SRP54: variants seen among roughly 807,000 people sequenced by gnomAD.
The protein encoded by SRP54 is signal recognition particle 54.
A neutral mutation model predicts 64.8 loss-of-function variants in SRP54; 10 were observed. The observed-to-expected ratio is 0.15, with a 90% CI of 0.10 to 0.26. The LOEUF is 0.26. Among genes scored for constraint, SRP54 ranks in the 10% least tolerant of loss-of-function variants. The pLI, the probability that SRP54 is intolerant of heterozygous loss-of-function variation, is 1.00. For synonymous variants in SRP54, 193 were observed against 185.6 expected (o/e 1.04, Z -0.32); for missense variants, 325 against 613.7 (o/e 0.53, Z 4.97).
chr14:35,013,036 C>T (rs1269441938), intron 8 of SRP54, among the ~76,000 whole-genome samples: 2 of 151,364 alleles, frequency 1.3e-5, no homozygotes, highest in East Asian at 3.9e-4. Context: ...CTCTGCCTCC[C>T]GGGTTCAAGT....
Position 35,028,068 on chromosome 14 carries a change from C to CTT in SRP54, c.1328-10_1328-9dup. 35 of 1,248,856 alleles carry CTT rather than the reference C, an allele frequency of 2.8e-5. No homozygotes were observed. Among genetic ancestry groups the CTT allele is most frequent in the Admixed American group, 6.4e-5 (3 of 47,066 alleles). The allele number at this position is 1,248,856 out of a possible 1,614,324, so 77.4% of individuals were successfully genotyped here. ...ATTACCTCCTACGCTGACTCAAAAT[C>CTT]TTTTTTTTTTTCCCCTCAGGTGGCG... On this transcript the variant is annotated intron_variant, in intron 14 of 15. Coordinates refer to ENST00000216774, the MANE Select transcript of SRP54 (RefSeq NM_003136.4).
chr14:35,027,147 C>T (rs1325774103), intron 14 of SRP54, among the ~76,000 whole-genome samples: 1 of 151,158 alleles, frequency 6.6e-6, no homozygotes, highest in East Asian at 2.0e-4. Context: ...CTGCCTCAGT[C>T]TCCTGAGTAG....
chr14:35,006,597 TTTAAA>T (rs2044261934), intron 4 of SRP54, among the ~76,000 whole-genome samples: 1 of 152,242 alleles, frequency 6.6e-6, no homozygotes, highest in African/African-American at 2.4e-5. Context: ...GTTTTTACTT[TTTAAA>T]TGTCAGTACT....
rs139254241 is a variant in SRP54, at chr14:35,028,905, A to G, written c.1424-156A>G. Among the ~76,000 whole-genome samples the G allele has an allele frequency of 3.9e-3, 587 of 152,364 alleles. 6 individuals carry two copies. Among genetic ancestry groups the G allele is most frequent in the African/African-American group, 0.014 (570 of 41,584 alleles). On this transcript the variant is annotated intron_variant, in intron 15 of 15. Transcript: ENST00000216774. ...ATTGATGAAGATAACTGGTGATAAT[A>G]CAAATTTTTAGGTGGTACGTTCTTT... is the stretch of plus-strand genomic sequence containing the variant.
chr14:35,002,373 A>G (rs540638416), intron 4 of SRP54, among the ~76,000 whole-genome samples: 2 of 152,122 alleles, frequency 1.3e-5, no homozygotes, highest in South Asian at 4.1e-4. Flanking sequence ...ACAAACAAAA[A>G]AAATTTTTTA....
chr14:34,985,204 C>T (rs1239946066), intron 1 of SRP54, among the ~76,000 whole-genome samples: 4 of 152,108 alleles, frequency 2.6e-5, no homozygotes, highest in African/African-American at 4.8e-5. Flanking sequence ...TTAGTGGCGC[C>T]GCCTGTAGTC....
chr14:35,008,550 A>C (rs1197784438), intron 5 of SRP54, 77 bp from the exon 6 acceptor site: 3 of 995,690 alleles, frequency 3.0e-6, no homozygotes, highest in Non-Finnish European at 4.2e-6. Flanking sequence ...GGTAAATAAT[A>C]AGGAAAAACA....
At chr14:34,987,546 T>C (rs2043919196) in intron 1 of SRP54, among the ~76,000 whole-genome samples, 1 of 152,054 alleles carries the variant, frequency 6.6e-6, no homozygotes, top group South Asian at 2.1e-4. Context: ...TATGTGATCT[T>C]TTGTGACTGG....
At position 35,018,445 on chromosome 14, in the gene SRP54, G is replaced by T. The variant is rs117335270; in HGVS notation, c.974-247G>T. ...TATGTGCCTTGTTTTCAGGTTTCTT[G>T]TGTGTTTGTATATGTGTCTTCTCAG... On this transcript the variant is annotated intron_variant, in intron 11 of 15. Coordinates refer to ENST00000216774, the MANE Select transcript of SRP54 (RefSeq NM_003136.4). 4.5e-4 allele frequency among the ~76,000 whole-genome samples: 69 copies of T among 152,218 alleles called. 1 individual carries two copies. The East Asian group carries it at 0.013, about 28-fold the overall frequency.
chr14:35,009,320 A>G (rs1047004849), intron 7 of SRP54, among the ~76,000 whole-genome samples: 5 of 123,284 alleles, frequency 4.1e-5, no homozygotes, highest in Non-Finnish European at 7.4e-5. Flanking sequence ...GGCTGGGATT[A>G]CAGGCTTGAG....
chr14:35,029,057 C>T lies in SRP54; in HGVS notation c.1424-4C>T, dbSNP rs2044681180. The T allele has an allele frequency of 6.2e-7, 1 of 1,612,074 alleles. No individual in the cohort carries two copies. The highest frequency in any genetic ancestry group is 8.5e-7 in the Non-Finnish European group (1 of 1,178,964). On this transcript the variant is annotated splice_polypyrimidine_tract_variant and splice_region_variant and intron_variant, in intron 15 of 15. Coordinates refer to ENST00000216774, the MANE Select transcript of SRP54 (RefSeq NM_003136.4). ...TTAACTCTACTTCCCTACTTTTGCT[C>T]TAGGTGGTATGGCAGGACTTCAGTC...
intron 6 of SRP54, 23 bp from the exon 7 acceptor site, chr14:35,008,751 T>C: frequency 5.6e-6 from 9 of 1,605,238 alleles, no homozygotes; most frequent in Non-Finnish European, 7.6e-6. Context: ...AGTTTGAGGA[T>C]TCATGAACTC....
At chr14:35,000,322 C>T (rs2044149377) in intron 3 of SRP54, among the ~76,000 whole-genome samples, 1 of 152,020 alleles carries the variant, frequency 6.6e-6, no homozygotes, top group African/African-American at 2.4e-5. Flanking sequence ...AATCCCAGCA[C>T]TTTGGGAGGC....
chr14:35,014,275 CTTTT>C (rs1269464538), intron 10 of SRP54, among the ~76,000 whole-genome samples: 2 of 102,208 alleles, frequency 2.0e-5, no homozygotes, highest in Admixed American at 1.1e-4. Context: ...TGCCACTTAA[CTTTT>C]TTTTTTTTTT....
chr14:35,013,957 A>G lies in SRP54; in HGVS notation c.886+55A>G. ...TCTCCAAGAAATACGATGTATCTTT[A>G]GGACAAAATAGGATTTTAATTCTGT... On this transcript the variant is annotated intron_variant, in intron 10 of 15. Coordinates refer to ENST00000216774, the MANE Select transcript of SRP54 (RefSeq NM_003136.4). 14 of 1,217,928 alleles carry G rather than the reference A, an allele frequency of 1.1e-5. No individual in the cohort carries two copies. The South Asian group carries it at 1.7e-4, about 14-fold the overall frequency. 75.4% of individuals were successfully genotyped at this position (1,217,928 alleles called of 1,614,324 possible). A position where few individuals can be genotyped will look rare whatever the true frequency, so the allele number is the denominator to read the frequency against.
At chr14:34,993,115 C>T (rs112713063) in intron 1 of SRP54, 5,700 of 152,322 alleles carry the variant, frequency 0.037, 109 homozygotes, top group South Asian at 0.065. Flanking sequence ...CTGCCTTGGC[C>T]TCCCAGAGTG....
At chr14:35,023,816 A>ACACACACT (rs2044575562) in intron 14 of SRP54, among the ~76,000 whole-genome samples, 1 of 150,952 alleles carries the variant, frequency 6.6e-6, no homozygotes. Flanking sequence ...ACACACACAC[A>ACACACACT]CACACACTTC....
chr14:34,986,539 G>A (rs1712356), intron 1 of SRP54, among the ~76,000 whole-genome samples: 114,538 of 152,076 alleles, frequency 0.75, 44,083 homozygotes, highest in Non-Finnish European at 0.84. Flanking sequence ...TTAAAAAATA[G>A]TGTTCTCAGT....
chr14:34,992,945 C>T (rs1162474250), intron 1 of SRP54, among the ~76,000 whole-genome samples: 3 of 151,938 alleles, frequency 2.0e-5, no homozygotes, highest in African/African-American at 7.3e-5. Flanking sequence ...TTGCAACCTC[C>T]ACCTCCTGGG....
Sources: gnomAD v4.1 joint callset for allele counts (sites outside exome capture counted in the v4.1 genomes callset) on GRCh38, gnomAD v4.1.1 for gene constraint, MANE v1.5 for transcripts, NCBI Gene and HGNC (gene_info 2026-07-23, HGNC 2026-07-21) for gene names.